The following STARD5 variants were observed in gnomAD, a reference collection of about 807,000 sequenced individuals.
STARD5 encodes stAR-related lipid transfer protein 5.
A neutral mutation model predicts 24.6 loss-of-function variants in STARD5; 26 were observed. The ratio of observed to expected loss-of-function variants is 1.06; its 90% CI spans 0.77 to 1.47. The LOEUF is 1.47. Among genes scored for constraint, STARD5 ranks in the 40% most tolerant of loss-of-function variants. The pLI is 0.00. For synonymous variants in STARD5, 101 were observed against 99.7 expected, an observed-to-expected ratio of 1.01 and a Z score of -0.07; for missense variants, 254 against 270.8, an observed-to-expected ratio of 0.94 and a Z score of 0.44.
In STARD5 at chr15:81,310,841, C is replaced by A. The variant is rs1348764561; in HGVS notation, c.*2415G>T. 6.6e-6 allele frequency: 1 copy of A among 152,184 alleles called. No homozygotes were observed. The highest frequency in any genetic ancestry group is 1.9e-4 in the East Asian group (1 of 5,186). The allele number at this position is 152,184 out of a possible 1,614,324, so 9.4% of individuals were successfully genotyped here. On this transcript the variant is annotated 3_prime_UTR_variant, in exon 6 of 6. Transcript: ENST00000302824. The stretch of plus-strand genomic sequence containing the variant: ...GGTACCAAGAGACTCCTTGAGAGAC[C>A]AGGCAAAGCAAGTGATTGGGACAGA...
chr15:81,315,408 G>A (rs1218613704), intron 5 of STARD5, among the ~76,000 whole-genome samples: 1 of 152,100 alleles, frequency 6.6e-6, no homozygotes, highest in Non-Finnish European at 1.5e-5. Flanking sequence ...ACACCATTAT[G>A]TGACAACAAC....
rs1901128610 is a variant in STARD5, at chr15:81,318,495, A to G, written c.408T>C (p.His136=). The G allele has an allele frequency of 2.5e-6, 4 of 1,613,806 alleles. No individual in the cohort carries two copies. In the South Asian group the frequency reaches 4.4e-5, roughly 18 times the overall value. The change falls in exon 5 of 6, where the codon CAT becomes CAC. Residue 136 remains histidine, a synonymous_variant. Coordinates refer to ENST00000302824, the MANE Select transcript of STARD5 (RefSeq NM_181900.3). Reference sequence around the variant, plus strand: ...TCGGGGGACATAACGGATGCTCCACATGGGTGGCTGGAAGACAGTGCAGAA... The same window carrying G: ...TCGGGGGACATAACGGATGCTCCACGTGGGTGGCTGGAAGACAGTGCAGAA... ...EDGTISSNAT[H]VEHPLCPPKP... is the part of the protein sequence containing the mutation.
At chr15:81,318,299 C>A in intron 5 of STARD5, 110 bp downstream of exon 5, 1 of 866,444 alleles carries the variant, frequency 1.2e-6, no homozygotes, top group South Asian at 1.4e-5. Flanking sequence ...AGCTATAAGG[C>A]ATTTTTCTTC....
At chr15:81,319,517 A>G in intron 3 of STARD5, 61 bp from the exon 4 acceptor site, 2 of 1,440,546 alleles carry the variant, frequency 1.4e-6, no homozygotes, top group Admixed American at 3.4e-5. Context: ...CCCAACTCCC[A>G]CCCCATCCCT....
At chr15:81,313,464 C>A in intron 5 of STARD5, 61 bp from the exon 6 acceptor site, 1 of 1,432,062 alleles carries the variant, frequency 7.0e-7, no homozygotes, top group Non-Finnish European at 9.2e-7. Flanking sequence ...GGACGAGCGC[C>A]AGGCAGGTGA....
intron 4 of STARD5, 71 bp downstream of exon 4, chr15:81,319,268 G>T: frequency 7.5e-7 from 1 of 1,338,064 alleles, no homozygotes; most frequent in East Asian, 2.3e-5. Context: ...TTTCCTTAAG[G>T]AACTGTGGGG....
At position 81,322,910 on chromosome 15, in the gene STARD5, A is replaced by C. The variant is rs765839516; in HGVS notation, c.138T>G (p.Phe46Leu). ...VSVSWRPSVE[F>L]PGNLYRGEGI... ...AGGCATGCACTTACAGGTTCCCTGG[A>C]AACTCCACAGATGGCCTCCAGGAAA... Residue 46 changes from phenylalanine to leucine, a missense_variant, in exon 2 of 6, where the codon TTT becomes TTG. Coordinates refer to ENST00000302824, the MANE Select transcript of STARD5 (RefSeq NM_181900.3). 2 of 1,614,204 alleles carry C rather than the reference A, an allele frequency of 1.2e-6. No homozygotes were observed. Among genetic ancestry groups the C allele is most frequent in the Non-Finnish European group, 1.7e-6 (2 of 1,180,036 alleles).
chr15:81,313,361 G>T lies in STARD5; in HGVS notation c.537C>A (p.Asp179Glu), dbSNP rs1900968159. 7 of 1,582,624 alleles carry T rather than the reference G, an allele frequency of 4.4e-6. 1 individual carries two copies. The East Asian group carries it at 1.7e-4, about 37-fold the overall frequency. ...KTNLVTFFHT[D>E]LSGYLPQNVV... Reference sequence around the variant, plus strand: ...CGTTCTGTGGGAGGTAACCGCTGAGGTCGGTATGGAAGAATGTGACCAGGT... The same window carrying T: ...CGTTCTGTGGGAGGTAACCGCTGAGTTCGGTATGGAAGAATGTGACCAGGT... Residue 179 changes from aspartate (D) to glutamate (E), a missense_variant, in exon 6 of 6, where the codon GAC becomes GAA. By Grantham distance (45) the Asp-to-Glu change is conservative. Coordinates refer to ENST00000302824, the MANE Select transcript of STARD5 (RefSeq NM_181900.3).
At chr15:81,315,081 C>G (rs910629973) in intron 5 of STARD5, among the ~76,000 whole-genome samples, 1 of 151,906 alleles carries the variant, frequency 6.6e-6, no homozygotes, top group Non-Finnish European at 1.5e-5. Context: ...ACAGAGACTT[C>G]CTTCCATCTC....
rs1222378597 is a variant in STARD5, at chr15:81,310,459, C to A, written c.*2797G>T. ...GCTGGTTAACTTGTTTGGCCTATTC[C>A]ATTCTGGATTTTGTCAAGCAGTAGA... On this transcript the variant is annotated 3_prime_UTR_variant, in exon 6 of 6. Coordinates refer to ENST00000302824, the MANE Select transcript of STARD5 (RefSeq NM_181900.3). The A allele has an allele frequency of 1.3e-5, 2 of 152,114 alleles. No individual in the cohort carries two copies. Among genetic ancestry groups the A allele is most frequent in the Non-Finnish European group, 2.9e-5 (2 of 68,012 alleles). 9.4% of individuals were successfully genotyped at this position (152,114 alleles called of 1,614,324 possible).
At chr15:81,323,897 G>T in intron 1 of STARD5, 104 bp downstream of exon 1, 1 of 1,186,732 alleles carries the variant, frequency 8.4e-7, no homozygotes. Context: ...CCAGGGGATT[G>T]GGGAGCAGAA....
intron 5 of STARD5, among the ~76,000 whole-genome samples, chr15:81,314,897 A>AAG (rs1315630712): frequency 6.8e-6 from 1 of 147,528 alleles, no homozygotes; most frequent in Non-Finnish European, 1.5e-5. Flanking sequence ...AAAAAAGAAA[A>AAG]AAAAAAAAAA....
intron 4 of STARD5, 29 bp downstream of exon 4, chr15:81,319,310 G>T (rs1901147431): frequency 6.4e-7 from 1 of 1,574,056 alleles, no homozygotes. Flanking sequence ...TCGCAGGAAG[G>T]CATGGCAGCT....
chr15:81,323,232 G>A (rs930917975), intron 1 of STARD5: 1 of 468,662 alleles, frequency 2.1e-6, no homozygotes, highest in African/African-American at 1.9e-5. Context: ...GAGCAACCCA[G>A]GGCTACTTAA....
intron 1 of STARD5, 188 bp from the exon 2 acceptor site, chr15:81,323,136 A>T (rs1020398794): frequency 1.6e-6 from 1 of 616,596 alleles, no homozygotes; most frequent in African/African-American, 1.9e-5. Context: ...GAATGTGATG[A>T]AGAAAAAGAT....
In STARD5 at chr15:81,311,238, A is replaced by G. The variant is rs1389503792; in HGVS notation, c.*2018T>C. 2.0e-5 allele frequency: 3 copies of G among 152,222 alleles called. No homozygotes were observed. The East Asian group carries it at 5.8e-4, about 29-fold the overall frequency. The allele number at this position is 152,222 out of a possible 1,614,324, so 9.4% of individuals were successfully genotyped here. On this transcript the variant is annotated 3_prime_UTR_variant, in exon 6 of 6. Coordinates refer to ENST00000302824, the MANE Select transcript of STARD5 (RefSeq NM_181900.3). ...TTGTGAAGTCGTCTTAACTCACCAT[A>G]AAAAGGAATCCACTCCCAGGCAGCC...
rs763913514 is a variant in STARD5, at chr15:81,318,712, TCACA to T, written c.401-214_401-211del. Among the ~76,000 whole-genome samples the T allele has an allele frequency of 2.1e-3, 324 of 151,944 alleles. 1 individual carries two copies. The highest frequency in any genetic ancestry group is 7.1e-3 in the African/African-American group (294 of 41,444). The stretch of plus-strand genomic sequence containing the variant: ...CACTCTCACATGCGTGTACACAAAC[TCACA>T]CACAGACACACACACACTTGCACTC... On this transcript the variant is annotated intron_variant, in intron 4 of 5. Transcript: ENST00000302824.
At chr15:81,318,959 C>T (rs1217724185) in intron 4 of STARD5, among the ~76,000 whole-genome samples, 1 of 152,168 alleles carries the variant, frequency 6.6e-6, no homozygotes, top group Non-Finnish European at 1.5e-5. Context: ...AGGCAGGAGC[C>T]CTGCTCCTCA....
Position 81,313,250 on chromosome 15 carries a change from A to G in STARD5, c.*6T>C. The G allele has an allele frequency of 1.9e-6, 3 of 1,553,056 alleles. No homozygotes were observed. The highest frequency in any genetic ancestry group is 1.9e-5 in the Admixed American group (1 of 51,656). On this transcript the variant is annotated 3_prime_UTR_variant, in exon 6 of 6. Transcript: ENST00000302824. ...GGGAGTTCTTTGCCAAGAAGTAACG[A>G]TAGCATTACTCATGGAATTGCTTCA...
Sources: allele counts gnomAD v4.1 joint callset (sites outside exome capture counted in the v4.1 genomes callset), GRCh38; gene constraint gnomAD v4.1.1; transcripts MANE v1.5; gene names NCBI Gene and HGNC (gene_info 2026-07-23, HGNC 2026-07-21).